The following FBP2 variants were observed in gnomAD, a reference collection of about 807,000 sequenced individuals.
FBP2 encodes fructose-bisphosphatase 2.
Under a neutral mutation model 31.6 loss-of-function variants are expected in FBP2, and 27 were observed. The observed-to-expected ratio is 0.85, with a 90% CI of 0.63 to 1.18. The LOEUF is 1.18. Ranked by LOEUF, FBP2 falls within the 50% of genes most tolerant of loss-of-function variation. The pLI is 0.00. For synonymous variants in FBP2, 168 were observed against 179.8 expected (o/e 0.93, Z 0.53); for missense variants, 421 against 436.1 (o/e 0.97, Z 0.31).
chr9:94,575,477 CTATG>C (rs1365577090), intron 3 of FBP2, among the ~76,000 whole-genome samples: 1 of 152,108 alleles, frequency 6.6e-6, no homozygotes, highest in Non-Finnish European at 1.5e-5. Flanking sequence ...TTTTTCATTG[CTATG>C]TAGTTTTCTG....
intron 4 of FBP2, chr9:94,568,089 C>A (rs985342016): frequency 1.3e-5 from 2 of 148,752 alleles, no homozygotes; most frequent in East Asian, 3.9e-4. Context: ...GATCGCGCCA[C>A]TGCACTCCAG....
At chr9:94,592,856 T>G (rs970401514) in intron 1 of FBP2, among the ~76,000 whole-genome samples, 1 of 152,072 alleles carries the variant, frequency 6.6e-6, no homozygotes, top group Non-Finnish European at 1.5e-5. Context: ...TATTACAGAC[T>G]TAAACTGGAC....
Position 94,571,476 on chromosome 9 carries a change from AGAG to A in FBP2, c.550_552del (p.Leu184del). 1 of 1,612,226 alleles carries A rather than the reference AGAG, an allele frequency of 6.2e-7. No individual in the cohort carries two copies. ...TCTGTACCTACCGGGTCAAGCATGAAGAGGTCCACGCCTTGCCCTGTGGAGAGA... is the reference window on the plus strand; with the variant it reads ...TCTGTACCTACCGGGTCAAGCATGAAGTCCACGCCTTGCCCTGTGGAGAGA... On this transcript the variant is annotated inframe_deletion, in exon 4 of 7. Transcript: ENST00000375337.
intron 1 of FBP2, among the ~76,000 whole-genome samples, chr9:94,590,345 A>G (rs760248638): frequency 8.5e-5 from 13 of 152,210 alleles, no homozygotes; most frequent in African/African-American, 1.9e-4. Context: ...CACCATAAGA[A>G]GAGGAAAGAG....
intron 3 of FBP2, among the ~76,000 whole-genome samples, chr9:94,579,965 A>C (rs1235606965): frequency 6.6e-6 from 1 of 152,236 alleles, no homozygotes; most frequent in Non-Finnish European, 1.5e-5. Context: ...ATGATTAGAA[A>C]GCTTCTCATG....
At chr9:94,587,210 G>T in intron 2 of FBP2, 97 bp downstream of exon 2, 1 of 1,050,154 alleles carries the variant, frequency 9.5e-7, no homozygotes, top group Admixed American at 2.5e-5. Flanking sequence ...TTAAGAAATA[G>T]AGGAGAATCC....
Position 94,592,960 on chromosome 9 carries a change from G to A in FBP2, c.170+597C>T, listed in dbSNP as rs555202452. Among the ~76,000 whole-genome samples, 24 of 152,230 alleles carry A rather than the reference G, an allele frequency of 1.6e-4. No individual in the cohort carries two copies. The South Asian group carries it at 2.3e-3, about 14-fold the overall frequency. On this transcript the variant is annotated intron_variant, in intron 1 of 6. Coordinates refer to ENST00000375337, the MANE Select transcript of FBP2 (RefSeq NM_003837.4). Reference sequence around the variant, plus strand: ...AGAACCCTGTGGAAGAAACCTCTGCGCTCCCCTCCCAGGACTAGCACCTCC... The same window carrying A: ...AGAACCCTGTGGAAGAAACCTCTGCACTCCCCTCCCAGGACTAGCACCTCC...
intron 1 of FBP2, among the ~76,000 whole-genome samples, chr9:94,587,918 T>C (rs568689607): frequency 5.1e-4 from 78 of 152,238 alleles, no homozygotes; most frequent in Non-Finnish European, 7.5e-4. Flanking sequence ...GCACGAACTC[T>C]GCTCACTGCA....
intron 6 of FBP2, among the ~76,000 whole-genome samples, chr9:94,559,686 G>A (rs1229041375): frequency 2.6e-5 from 4 of 152,110 alleles, no homozygotes; most frequent in African/African-American, 9.7e-5. Flanking sequence ...TTGACCCTTA[G>A]ACTAAGTGAA....
At chr9:94,583,809 G>A (rs572287383) in intron 3 of FBP2, among the ~76,000 whole-genome samples, 1 of 152,274 alleles carries the variant, frequency 6.6e-6, no homozygotes, top group Non-Finnish European at 1.5e-5. Flanking sequence ...ATGTTTCCCA[G>A]ACTGGTCTCG....
At chr9:94,585,304 G>A (rs1425966575) in intron 2 of FBP2, among the ~76,000 whole-genome samples, 2 of 152,288 alleles carry the variant, frequency 1.3e-5, no homozygotes, top group East Asian at 3.9e-4. Flanking sequence ...ATTCATGCAT[G>A]CATGCATTCA....
At position 94,561,352 on chromosome 9, in the gene FBP2, A is replaced by ACTTTTTTTTTT. The variant is rs1827097696; in HGVS notation, c.825+1989_825+1990insAAAAAAAAAAG. ...GCAGGCCATGTGACATGTGACCTGT[A>ACTTTTTTTTTT]TTTTTTTTTTTTTTTTTTTTTTTTT... On this transcript the variant is annotated intron_variant, in intron 6 of 6. Coordinates refer to ENST00000375337, the MANE Select transcript of FBP2 (RefSeq NM_003837.4). Among the ~76,000 whole-genome samples the ACTTTTTTTTTT allele has an allele frequency of 3.6e-5, 2 of 54,970 alleles. 1 individual carries two copies. The highest frequency in any genetic ancestry group is 1.6e-4 in the African/African-American group (2 of 12,786). 36.1% of individuals were successfully genotyped at this position (54,970 alleles called of 152,430 possible). A position where few individuals can be genotyped will look rare whatever the true frequency, so the allele number is the denominator to read the frequency against.
chr9:94,585,619 G>A (rs1337763579), intron 2 of FBP2, among the ~76,000 whole-genome samples: 2 of 152,108 alleles, frequency 1.3e-5, no homozygotes, highest in East Asian at 3.9e-4. Context: ...AAAATTGTTT[G>A]TTTTCTTGTT....
intron 6 of FBP2, 84 bp from the exon 7 acceptor site, chr9:94,559,216 T>G: frequency 1.3e-4 from 159 of 1,221,840 alleles, no homozygotes; most frequent in Middle Eastern, 2.8e-4. Context: ...GGGAGGAGTT[T>G]GTACTGCGGT....
chr9:94,581,769 A>C (rs1208564959), intron 3 of FBP2, among the ~76,000 whole-genome samples: 1 of 152,214 alleles, frequency 6.6e-6, no homozygotes, highest in Non-Finnish European at 1.5e-5. Context: ...TAAACTGAAA[A>C]ACAAGTTCAG....
chr9:94,593,773 C>T lies in FBP2; in HGVS notation c.-47G>A. On this transcript the variant is annotated 5_prime_UTR_variant, in exon 1 of 7. Coordinates refer to ENST00000375337, the MANE Select transcript of FBP2 (RefSeq NM_003837.4). ...CCTTTTCTCCCGGCAGGAAACCTTGCTTACTTCTGAGGGCTGCAGCTCCGC... is the reference window on the plus strand; with the variant it reads ...CCTTTTCTCCCGGCAGGAAACCTTGTTTACTTCTGAGGGCTGCAGCTCCGC... The T allele has an allele frequency of 1.2e-6, 2 of 1,603,842 alleles. No homozygotes were observed. Among genetic ancestry groups the T allele is most frequent in the South Asian group, 1.1e-5 (1 of 89,308 alleles).
chr9:94,571,947 G>A lies in FBP2; in HGVS notation c.427-345C>T, dbSNP rs145453430. Among the ~76,000 whole-genome samples, 4 of 152,230 alleles carry A rather than the reference G, an allele frequency of 2.6e-5. No homozygotes were observed. The East Asian group carries it at 7.7e-4, about 29-fold the overall frequency. On this transcript the variant is annotated intron_variant, in intron 3 of 6. Transcript: ENST00000375337. ...CACAACTCAGATCACTGAGCTGAGCGTGCAGTGTCTCACTCTGCACACTCA... is the reference window on the plus strand; with the variant it reads ...CACAACTCAGATCACTGAGCTGAGCATGCAGTGTCTCACTCTGCACACTCA...
intron 5 of FBP2, among the ~76,000 whole-genome samples, chr9:94,566,080 A>G (rs1193750978): frequency 1.3e-5 from 2 of 152,214 alleles, no homozygotes; most frequent in African/African-American, 4.8e-5. Context: ...CTTCTCATCA[A>G]ACAATGGCAA....
In FBP2 at chr9:94,567,584, C is replaced by G. The variant is rs909208658; in HGVS notation, c.568-177G>C. The stretch of plus-strand genomic sequence containing the variant: ...CATGAGTGGTGGGAAGAATAGGGAC[C>G]ATATGGAGCCCACACAGGAAGCTCT... On this transcript the variant is annotated intron_variant, in intron 4 of 6. Coordinates refer to ENST00000375337, the MANE Select transcript of FBP2 (RefSeq NM_003837.4). 4.8e-6 allele frequency: 3 copies of G among 624,858 alleles called. No individual in the cohort carries two copies. The African/African-American group carries it at 5.5e-5, about 11-fold the overall frequency. 38.7% of individuals were successfully genotyped at this position (624,858 alleles called of 1,614,324 possible).
Sources: allele counts gnomAD v4.1 joint callset (sites outside exome capture counted in the v4.1 genomes callset), GRCh38; gene constraint gnomAD v4.1.1; transcripts MANE v1.5; gene names NCBI Gene and HGNC (gene_info 2026-07-23, HGNC 2026-07-21).